The following TNR variants were observed in gnomAD, a reference collection of about 807,000 sequenced individuals.
The protein encoded by TNR is tenascin-R.
Under a neutral mutation model 150.4 loss-of-function variants are expected in TNR, and 45 were observed. That is an observed-to-expected ratio of 0.30 (90% confidence interval 0.24 to 0.38). The LOEUF is 0.38. Among genes scored for constraint, TNR ranks in the 10% least tolerant of loss-of-function variants. The pLI, the probability that TNR is intolerant of heterozygous loss-of-function variation, is 1.00. For synonymous variants in TNR, 687 were observed against 678.4 expected (o/e 1.01, Z -0.20); for missense variants, 1,544 against 1,759.1 (o/e 0.88, Z 2.19).
rs73048385 is a variant in TNR, at chr1:175,572,941, G to A, written c.-164-44572C>T. On this transcript the variant is annotated intron_variant, in intron 1 of 22. Coordinates refer to ENST00000367674, the MANE Select transcript of TNR (RefSeq NM_003285.3). ...AATTTCCCAGGTGACTTTCTTTTTCGTCCAGGGAGACATGCCTCAAGAGAA... is the reference window on the plus strand; with the variant it reads ...AATTTCCCAGGTGACTTTCTTTTTCATCCAGGGAGACATGCCTCAAGAGAA... 9.3e-3 allele frequency among the ~76,000 whole-genome samples: 1,415 copies of A among 151,436 alleles called. 19 individuals are homozygous for A. Among genetic ancestry groups the A allele is most frequent in the African/African-American group, 0.033 (1,351 of 41,236 alleles).
chr1:175,695,943 T>TGGATGGAA (rs1558077515), intron 1 of TNR, among the ~76,000 whole-genome samples: 1 of 151,978 alleles, frequency 6.6e-6, no homozygotes, highest in African/African-American at 2.4e-5. Flanking sequence ...AATTGTTGGA[T>TGGATGGAA]GGATGGAAGG....
At chr1:175,440,294 A>T (rs1221900703) in intron 2 of TNR, among the ~76,000 whole-genome samples, 1 of 148,650 alleles carries the variant, frequency 6.7e-6, no homozygotes, top group Admixed American at 6.7e-5. Context: ...CAAACACCGC[A>T]TGTTTTCACT....
At chr1:175,498,191 C>T (rs184142153) in intron 2 of TNR, among the ~76,000 whole-genome samples, 4 of 152,304 alleles carry the variant, frequency 2.6e-5, no homozygotes, top group South Asian at 2.1e-4. Flanking sequence ...TAATGAGTCA[C>T]CAAAAACTTG....
chr1:175,621,548 A>G (rs998317007), intron 1 of TNR, among the ~76,000 whole-genome samples: 1 of 152,112 alleles, frequency 6.6e-6, no homozygotes, highest in Non-Finnish European at 1.5e-5. Context: ...CCAATTTCCT[A>G]ATGTATTAAA....
intron 10 of TNR, among the ~76,000 whole-genome samples, chr1:175,366,983 G>A (rs889225972): frequency 1.3e-5 from 2 of 152,174 alleles, no homozygotes; most frequent in African/African-American, 4.8e-5. Flanking sequence ...TCAGACCACG[G>A]GGGACCGAGC....
intron 7 of TNR, among the ~76,000 whole-genome samples, chr1:175,386,544 G>C (rs1355051988): frequency 6.6e-6 from 1 of 152,208 alleles, no homozygotes; most frequent in African/African-American, 2.4e-5. Flanking sequence ...GTAGTTTCCA[G>C]GTGATGGCAC....
At chr1:175,706,073 C>T (rs1054073840) in intron 1 of TNR, among the ~76,000 whole-genome samples, 15 of 152,084 alleles carry the variant, frequency 9.9e-5, no homozygotes, top group East Asian at 1.9e-4. Context: ...ACTCTACCCC[C>T]GCCAACCCCC....
chr1:175,699,202 CTGAG>C (rs1337297896), intron 1 of TNR, among the ~76,000 whole-genome samples: 2 of 151,864 alleles, frequency 1.3e-5, no homozygotes, highest in Admixed American at 6.6e-5. Context: ...AGGTTTTGGC[CTGAG>C]TAACTAGAAT....
intron 16 of TNR, among the ~76,000 whole-genome samples, chr1:175,356,057 G>T (rs1216777087): frequency 6.6e-6 from 1 of 152,170 alleles, no homozygotes; most frequent in African/African-American, 2.4e-5. Context: ...CTTTTCTGGG[G>T]CAGATGCATT....
intron 17 of TNR, 88 bp downstream of exon 17, chr1:175,355,415 T>A (rs1651277888): frequency 6.5e-7 from 1 of 1,537,620 alleles, no homozygotes; most frequent in African/African-American, 1.4e-5. Flanking sequence ...TCCCCCTCCC[T>A]CCAATGTCCT....
At chr1:175,503,645 C>G (rs560160094) in intron 2 of TNR, among the ~76,000 whole-genome samples, 5 of 152,148 alleles carry the variant, frequency 3.3e-5, no homozygotes, top group Non-Finnish European at 5.9e-5. Context: ...CAGCTTTCTC[C>G]CAGCAGAATG....
In TNR at chr1:175,365,952, C is replaced by A; in HGVS notation, c.2240G>T (p.Gly747Val). The change falls in exon 11 of 23, where the codon GGG becomes GTG. Residue 747 changes from glycine (G) to valine (V), a missense_variant. Around this residue, in one of 2 missense-constraint regions of TNR, gnomAD observed 1,254 missense variants for 1,329.4 expected, o/e 0.94. Coordinates refer to ENST00000367674, the MANE Select transcript of TNR (RefSeq NM_003285.3). ...AGTGACGGAAATGATGTACTCTGCC[C>A]CAGGCTCTAGATCTGTTAGTGTGTA... ...TSYTLTDLEP[G>V]AEYIISVTAE... 1 of 1,614,094 alleles carries A rather than the reference C, an allele frequency of 6.2e-7. No individual in the cohort carries two copies.
rs79808312 is a variant in TNR at position 175,480,986 on chromosome 1, T to C, written c.-64+47283A>G. Among the ~76,000 whole-genome samples, 1,145 of 152,348 alleles carry C rather than the reference T, an allele frequency of 7.5e-3. 9 individuals carry two copies. The highest frequency in any genetic ancestry group is 0.026 in the African/African-American group (1,091 of 41,584). The stretch of plus-strand genomic sequence containing the variant: ...CAGAATAAACTAATTCCTACTAAAG[T>C]GTTAATGACTACCAAGGAGTAATCT... On this transcript the variant is annotated intron_variant, in intron 2 of 22. Coordinates refer to ENST00000367674, the MANE Select transcript of TNR (RefSeq NM_003285.3).
chr1:175,590,626 G>C (rs754883779), intron 1 of TNR, among the ~76,000 whole-genome samples: 6 of 152,142 alleles, frequency 3.9e-5, no homozygotes, highest in Non-Finnish European at 7.4e-5. Context: ...GCACAAAGGA[G>C]GGGGGGATCC....
intron 2 of TNR, among the ~76,000 whole-genome samples, chr1:175,433,686 G>A (rs368482274): frequency 6.6e-6 from 1 of 152,214 alleles, no homozygotes; most frequent in Non-Finnish European, 1.5e-5. Flanking sequence ...TGCTGGCTGT[G>A]TTGTATGTAC....
chr1:175,345,125 A>C (rs1474418151), intron 18 of TNR, among the ~76,000 whole-genome samples: 1 of 152,036 alleles, frequency 6.6e-6, no homozygotes, highest in African/African-American at 2.4e-5. Context: ...AACAAAACAA[A>C]ACAAAACAAC....
chr1:175,641,909 G>A (rs12088391), intron 1 of TNR, among the ~76,000 whole-genome samples: 23,751 of 152,016 alleles, frequency 0.16, 2,685 homozygotes, highest in African/African-American at 0.32. Context: ...AATGTACTTC[G>A]GTTCAGTTTA....
intron 1 of TNR, among the ~76,000 whole-genome samples, chr1:175,650,878 T>TTCATTACTACCCCTC (rs1664954425): frequency 1.3e-4 from 5 of 37,772 alleles, no homozygotes; most frequent in South Asian, 9.3e-4. Flanking sequence ...TTCCTCCTCC[T>TTCATTACTACCCCTC]CCCCACCTCA....
intron 9 of TNR, 89 bp downstream of exon 9, chr1:175,379,463 T>C: frequency 8.1e-7 from 1 of 1,233,294 alleles, no homozygotes; most frequent in Non-Finnish European, 1.1e-6. Context: ...GAATTGGCCA[T>C]GGGTTTGTAA....
Sources: gnomAD v4.1 joint callset for allele counts (sites outside exome capture counted in the v4.1 genomes callset) on GRCh38, gnomAD v4.1.1 for gene constraint, gnomAD v4.1.1 regional missense constraint, MANE v1.5 for transcripts, NCBI Gene and HGNC (gene_info 2026-07-23, HGNC 2026-07-21) for gene names.